The following CARS2 variants were observed in gnomAD, a reference collection of about 807,000 sequenced individuals.
CARS2 encodes the protein probable cysteine--tRNA ligase, mitochondrial.
A neutral mutation model predicts 68.8 loss-of-function variants in CARS2; 52 were observed. The ratio of observed to expected loss-of-function variants is 0.76; its 90% confidence interval spans 0.61 to 0.95. The LOEUF (loss-of-function observed/expected upper bound fraction) is 0.95. Ranked by LOEUF, CARS2 falls within the 40% of genes least tolerant of loss-of-function variation. CARS2 has a pLI of 0.00. For synonymous variants in CARS2, 314 were observed against 303.6 expected (o/e 1.03, Z -0.36); for missense variants, 780 against 754.2 (o/e 1.03, Z -0.40).
intron 5 of CARS2, among the ~76,000 whole-genome samples, chr13:110,683,971 T>C (rs2063225662): frequency 6.6e-6 from 1 of 152,262 alleles, no homozygotes; most frequent in Non-Finnish European, 1.5e-5. Flanking sequence ...AAGCCTGGGC[T>C]GCCCTTGCCC....
intron 5 of CARS2, among the ~76,000 whole-genome samples, chr13:110,685,233 C>T (rs1594363836): frequency 6.6e-6 from 1 of 152,162 alleles, no homozygotes; most frequent in Admixed American, 6.5e-5. Flanking sequence ...TTGCTTGAAC[C>T]CGGGAGGCGG....
rs896066350 is a variant in CARS2, at chr13:110,670,660, A to G, written c.786-3187T>C. On this transcript the variant is annotated intron_variant, in intron 7 of 14. Coordinates refer to ENST00000257347, the MANE Select transcript of CARS2 (RefSeq NM_024537.4). This position sits in a 1 kb window ranked among gnomAD's most constrained non-coding sequence, Gnocchi z 4.1. ...AAAATCAGAGCGCCTCTTCTCCTCC[A>G]AAGAAACGCAGCTCCTCACCAGCAA... 6.6e-6 allele frequency among the ~76,000 whole-genome samples: 1 copy of G among 152,332 alleles called. No individual in the cohort carries two copies. Among genetic ancestry groups the G allele is most frequent in the South Asian group, 2.1e-4 (1 of 4,830 alleles).
intron 5 of CARS2, among the ~76,000 whole-genome samples, chr13:110,686,356 C>T (rs1238621176): frequency 6.6e-6 from 1 of 151,732 alleles, no homozygotes; most frequent in Non-Finnish European, 1.5e-5. Context: ...TATCCTCTCA[C>T]CTCGGCCTCC....
In CARS2 at chr13:110,688,021, G is replaced by A; in HGVS notation, c.394-3C>T. ...AGGGAAGCGGGGGAAATATTCATCT[G>A]CAGAAGGATTAGATGTGCACGTTAA... On this transcript the variant is annotated splice_polypyrimidine_tract_variant and splice_region_variant and intron_variant, in intron 3 of 14. Coordinates refer to ENST00000257347, the MANE Select transcript of CARS2 (RefSeq NM_024537.4). 1 of 1,604,620 alleles carries A rather than the reference G, an allele frequency of 6.2e-7. No homozygotes were observed. Among genetic ancestry groups the A allele is most frequent in the Non-Finnish European group, 8.5e-7 (1 of 1,173,208 alleles).
intron 9 of CARS2, among the ~76,000 whole-genome samples, chr13:110,651,479 G>A (rs2062212569): frequency 6.6e-6 from 1 of 152,232 alleles, no homozygotes. Context: ...TAGGTGGCGG[G>A]AGGCACACCA....
intron 6 of CARS2, among the ~76,000 whole-genome samples, chr13:110,677,369 C>A (rs1228678064): frequency 1.1e-5 from 1 of 89,572 alleles, no homozygotes; most frequent in Non-Finnish European, 2.3e-5. Flanking sequence ...CACGGAAACA[C>A]AGAAAATCAC....
intron 3 of CARS2, among the ~76,000 whole-genome samples, chr13:110,689,314 C>A (rs1431483416): frequency 6.6e-6 from 1 of 152,354 alleles, no homozygotes; most frequent in East Asian, 1.9e-4. Context: ...AGCTGCTCCA[C>A]GCAGCCTCGG....
chr13:110,659,373 C>A (rs2062446974), intron 9 of CARS2, among the ~76,000 whole-genome samples: 1 of 152,206 alleles, frequency 6.6e-6, no homozygotes, highest in African/African-American at 2.4e-5. Flanking sequence ...AGGGTGAGGA[C>A]TCCCTAACAA....
At chr13:110,646,880 A>G (rs528181199) in intron 11 of CARS2, 17 of 490,474 alleles carry the variant, frequency 3.5e-5, no homozygotes, top group Non-Finnish European at 6.1e-5. Flanking sequence ...CCTCCTGTCC[A>G]GCTCCCAGTC....
chr13:110,678,612 C>T (rs1197628808), intron 6 of CARS2, among the ~76,000 whole-genome samples: 4 of 152,196 alleles, frequency 2.6e-5, no homozygotes, highest in Non-Finnish European at 4.4e-5. Context: ...GCATGGCAAA[C>T]GAGAGCATCA....
At chr13:110,700,946 T>C (rs948364377) in intron 3 of CARS2, among the ~76,000 whole-genome samples, 3 of 152,238 alleles carry the variant, frequency 2.0e-5, no homozygotes, top group African/African-American at 7.2e-5. Flanking sequence ...CTTCCTTTAC[T>C]AGGGCACCAA....
At position 110,706,074 on chromosome 13, in the gene CARS2, C is replaced by A. The variant is rs2063947960; in HGVS notation, c.20G>T (p.Gly7Val). 1 of 1,340,048 alleles carries A rather than the reference C, an allele frequency of 7.5e-7. No individual in the cohort carries two copies. The highest frequency in any genetic ancestry group is 9.6e-7 in the Non-Finnish European group (1 of 1,046,694). 83.0% of individuals were successfully genotyped at this position (1,340,048 alleles called of 1,614,324 possible). Residue 7 changes from glycine to valine, a missense_variant, in exon 1 of 15, where the codon GGC becomes GTC. Gly to Val is a moderately radical substitution (Grantham distance 109, BLOSUM62 -3). Transcript: ENST00000257347. Reference protein sequence around the residue: MLRTTRGPGLGPPLLQA... With the variant: MLRTTRVPGLGPPLLQA... ...GAGCAGCGGGGGGCCCAGGCCTGGGCCGCGCGTAGTCCTCAACATGTCAGC... is the reference window on the plus strand; with the variant it reads ...GAGCAGCGGGGGGCCCAGGCCTGGGACGCGCGTAGTCCTCAACATGTCAGC...
At chr13:110,683,166 T>G in intron 5 of CARS2, 32 bp from the exon 6 acceptor site, 1 of 1,428,078 alleles carries the variant, frequency 7.0e-7, no homozygotes, top group East Asian at 2.5e-5. Context: ...AATTCATCAC[T>G]TCTCAGTCTG....
intron 3 of CARS2, among the ~76,000 whole-genome samples, chr13:110,692,053 TATAC>T (rs1242748635): frequency 7.5e-6 from 1 of 133,806 alleles, no homozygotes; most frequent in Non-Finnish European, 1.5e-5. Context: ...TATATACACA[TATAC>T]ATATATATAT....
At chr13:110,644,160 T>G in intron 13 of CARS2, 13 of 1,436,776 alleles carry the variant, frequency 9.0e-6, no homozygotes, top group Non-Finnish European at 1.2e-5. Context: ...TCATCTCTGG[T>G]TCTGCGCACG....
At chr13:110,667,605 T>C in intron 7 of CARS2, 132 bp from the exon 8 acceptor site, 2 of 738,762 alleles carry the variant, frequency 2.7e-6, no homozygotes, top group South Asian at 5.3e-5. Flanking sequence ...TCAATTTGCA[T>C]GATAATTTAA....
chr13:110,664,813 A>T, intron 8 of CARS2: 1 of 337,368 alleles, frequency 3.0e-6, no homozygotes, highest in South Asian at 1.2e-4. Context: ...CAGTGCTCTC[A>T]TAACAGAGGC....
rs752228078 is a variant in CARS2, at chr13:110,705,619, G to A, written c.225-48C>T. 2.6e-6 allele frequency: 4 copies of A among 1,556,608 alleles called. No homozygotes were observed. Among genetic ancestry groups the A allele is most frequent in the Middle Eastern group, 3.4e-4 (2 of 5,958 alleles). On this transcript the variant is annotated intron_variant, in intron 1 of 14. Transcript: ENST00000257347. The surrounding 1 kb of genome is among the most constrained non-coding windows in gnomAD (Gnocchi z 4.0). ...TCGTGTGGAACATATTTGCAAGAAA[G>A]GACATTCGATTCTGAGTTATAATGA...
In CARS2 at chr13:110,705,599, T is replaced by A; in HGVS notation, c.225-28A>T. The A allele has an allele frequency of 6.3e-7, 1 of 1,599,446 alleles. No homozygotes were observed. Among genetic ancestry groups the A allele is most frequent in the Non-Finnish European group, 8.6e-7 (1 of 1,166,682 alleles). ...GGAAACAAAGTTAAAATCCATCGTG[T>A]GGAACATATTTGCAAGAAAGGACAT... On this transcript the variant is annotated intron_variant, in intron 1 of 14. Transcript: ENST00000257347. The surrounding 1 kb of genome is among the most constrained non-coding windows in gnomAD (Gnocchi z 4.0).
Sources: allele counts gnomAD v4.1 joint callset (sites outside exome capture counted in the v4.1 genomes callset), GRCh38; gene constraint gnomAD v4.1.1; non-coding constraint Gnocchi (gnomAD v3.1); transcripts MANE v1.5; gene names NCBI Gene and HGNC (gene_info 2026-07-23, HGNC 2026-07-21).